CYFIP1: variants seen among roughly 807,000 people sequenced by gnomAD.
CYFIP1 encodes the protein cytoplasmic FMR1-interacting protein 1.
In CYFIP1, 58 loss-of-function variants were observed where a neutral mutation model predicts 163.5. The ratio of observed to expected loss-of-function variants is 0.35; its 90% confidence interval spans 0.29 to 0.44. The LOEUF (loss-of-function observed/expected upper bound fraction) is 0.44, where lower values mean the gene tolerates loss of function less well. Among genes scored for constraint, CYFIP1 ranks in the 20% least tolerant of loss-of-function variants. The probability of loss-of-function intolerance (pLI) is 1.00; values close to 1 mark genes in which losing one functional copy is unlikely to be tolerated. For synonymous variants in CYFIP1, 663 were observed against 660.7 expected (o/e 1.00, Z -0.05); for missense variants, 1,338 against 1,653.8 (o/e 0.81, Z 3.31).
In CYFIP1 at chr15:22,906,104, G is replaced by C. The variant is rs558666633; in HGVS notation, c.2389-2199C>G. 1.5e-3 allele frequency among the ~76,000 whole-genome samples: 219 copies of C among 150,728 alleles called. 1 individual carries two copies. Among genetic ancestry groups the C allele is most frequent in the African/African-American group, 4.7e-3 (192 of 41,046 alleles). On this transcript the variant is annotated intron_variant, in intron 21 of 30. Coordinates refer to ENST00000617928, the MANE Select transcript of CYFIP1 (RefSeq NM_014608.6). ...CTTTTTTCCAATAACCTTATTTCTC[G>C]ATTTATTTTTTTTTTTCTTTGAGAC...
intron 9 of CYFIP1, among the ~76,000 whole-genome samples, chr15:22,936,398 A>C (rs1213283918): frequency 6.6e-6 from 1 of 152,222 alleles, no homozygotes; most frequent in African/African-American, 2.4e-5. Flanking sequence ...GAAAGCCATT[A>C]GGGAAACATG....
intron 9 of CYFIP1, 68 bp downstream of exon 9, chr15:22,937,036 C>T: frequency 9.4e-7 from 1 of 1,066,850 alleles, no homozygotes; most frequent in Admixed American, 1.8e-5. Context: ...CACACAGGGG[C>T]TCACTTCCCC....
chr15:22,947,793 T>C (rs1347939894), intron 1 of CYFIP1: 1 of 290,352 alleles, frequency 3.4e-6, no homozygotes, highest in Non-Finnish European at 5.2e-6. Flanking sequence ...ACCAGCTGTC[T>C]AGCTGCACAG....
intron 22 of CYFIP1, among the ~76,000 whole-genome samples, chr15:22,897,474 GGTT>G (rs1172965978): frequency 2.7e-5 from 4 of 146,972 alleles, no homozygotes; most frequent in African/African-American, 4.9e-5. Context: ...TGTTCAACAG[GGTT>G]GTTTTTTTTT....
intron 9 of CYFIP1, among the ~76,000 whole-genome samples, chr15:22,935,601 G>A (rs1566996338): frequency 1.3e-5 from 2 of 152,068 alleles, no homozygotes; most frequent in East Asian, 1.9e-4. Flanking sequence ...TGACACCATC[G>A]AGAACGCGAA....
intron 1 of CYFIP1, among the ~76,000 whole-genome samples, chr15:22,971,287 C>T (rs1054649230): frequency 1.2e-4 from 19 of 152,014 alleles, no homozygotes; most frequent in Admixed American, 9.2e-4. Flanking sequence ...ATCTGTAATC[C>T]CAACACTTTG....
rs1567003004 is a variant in CYFIP1 at position 22,939,556 on chromosome 15, T to TAA, written c.570-50_570-49insTT. 1,746 of 408,044 alleles carry TAA rather than the reference T, an allele frequency of 4.3e-3. 8 individuals are homozygous for TAA. Among genetic ancestry groups the TAA allele is most frequent in the Middle Eastern group, 7.2e-3 (8 of 1,106 alleles). The allele number at this position is 408,044 out of a possible 1,614,324, so 25.3% of individuals were successfully genotyped here. ...CCCAAAATGCACCAACGTGCCACAT[T>TAA]TAAAAAAAAAAAAAAAAAAAAAAAA... On this transcript the variant is annotated intron_variant, in intron 6 of 30. Coordinates refer to ENST00000617928, the MANE Select transcript of CYFIP1 (RefSeq NM_014608.6).
intron 22 of CYFIP1, among the ~76,000 whole-genome samples, chr15:22,897,372 G>C (rs2060270051): frequency 1.3e-5 from 2 of 151,958 alleles, no homozygotes; most frequent in African/African-American, 4.8e-5. Context: ...TGACTTACTT[G>C]TCAATCTGCT....
chr15:22,926,696 G>A (rs925995904), intron 12 of CYFIP1, among the ~76,000 whole-genome samples: 20 of 152,258 alleles, frequency 1.3e-4, no homozygotes, highest in African/African-American at 4.8e-4. Context: ...AGACATTGAT[G>A]GCTGGAGCTC....
intron 22 of CYFIP1, among the ~76,000 whole-genome samples, chr15:22,898,164 C>G (rs1207242277): frequency 6.6e-6 from 1 of 152,222 alleles, no homozygotes; most frequent in Non-Finnish European, 1.5e-5. Context: ...AGTCTGAAAA[C>G]AGCTGATCCA....
chr15:22,898,123 A>C (rs932495880), intron 22 of CYFIP1, among the ~76,000 whole-genome samples: 6 of 152,282 alleles, frequency 3.9e-5, no homozygotes, highest in Non-Finnish European at 8.8e-5. Flanking sequence ...GGCTCACCTC[A>C]CTTGCTTCCG....
intron 1 of CYFIP1, among the ~76,000 whole-genome samples, chr15:22,973,150 ACAAC>A (rs1460934644): frequency 6.6e-6 from 1 of 151,758 alleles, no homozygotes; most frequent in East Asian, 1.9e-4. Context: ...AAACAAAACA[ACAAC>A]CAACCAAAAT....
chr15:22,941,797 T>C (rs1185561575), intron 6 of CYFIP1, among the ~76,000 whole-genome samples: 1 of 151,870 alleles, frequency 6.6e-6, no homozygotes, highest in Non-Finnish European at 1.5e-5. Context: ...ATAAAGGTGC[T>C]AGTGCTAAAA....
intron 6 of CYFIP1, among the ~76,000 whole-genome samples, chr15:22,939,765 G>A (rs1016045651): frequency 3.3e-5 from 5 of 152,100 alleles, no homozygotes; most frequent in African/African-American, 1.2e-4. Flanking sequence ...GGTCACAGCT[G>A]ACGGCTCCCT....
At chr15:22,957,013 A>G (rs1400883874) in intron 1 of CYFIP1, among the ~76,000 whole-genome samples, 1 of 152,254 alleles carries the variant, frequency 6.6e-6, no homozygotes, top group Non-Finnish European at 1.5e-5. Flanking sequence ...GCTCAACACC[A>G]AGGTTGCAAA....
chr15:22,980,081 C>T, intron 1 of CYFIP1, among the ~76,000 whole-genome samples: 1 of 138,000 alleles, frequency 7.2e-6, no homozygotes, highest in Non-Finnish European at 1.5e-5. Context: ...GCCCGGGAGG[C>T]GCGGGAGCCC....
At chr15:22,898,695 C>A (rs1025660125) in intron 22 of CYFIP1, among the ~76,000 whole-genome samples, 3 of 151,908 alleles carry the variant, frequency 2.0e-5, no homozygotes, top group Non-Finnish European at 4.4e-5. Context: ...GCTACCATAC[C>A]CAGCTAATTT....
At chr15:22,949,849 G>T (rs2062191084) in intron 1 of CYFIP1, among the ~76,000 whole-genome samples, 1 of 151,946 alleles carries the variant, frequency 6.6e-6, no homozygotes, top group African/African-American at 2.4e-5. Context: ...AACCACCGAA[G>T]AAAGCTGTAC....
intron 1 of CYFIP1, among the ~76,000 whole-genome samples, chr15:22,977,128 G>A (rs560174438): frequency 2.2e-3 from 338 of 152,140 alleles, no homozygotes; most frequent in Middle Eastern, 0.02. Flanking sequence ...GAACCCGGGA[G>A]GCAGAGGTTG....
Sources: gnomAD v4.1 joint callset for allele counts (sites outside exome capture counted in the v4.1 genomes callset) on GRCh38, gnomAD v4.1.1 for gene constraint, MANE v1.5 for transcripts, NCBI Gene and HGNC (gene_info 2026-07-23, HGNC 2026-07-21) for gene names.